Variants in RBM34 observed in about 807,000 individuals in gnomAD.
The protein encoded by RBM34 is RNA-binding protein 34.
In RBM34, 39 loss-of-function variants were observed where a neutral mutation model predicts 44.6. The observed-to-expected ratio is 0.87, with a 90% confidence interval of 0.68 to 1.14. The LOEUF (loss-of-function observed/expected upper bound fraction) is 1.14, where lower values mean the gene tolerates loss of function less well. Ranked by LOEUF, RBM34 falls within the 50% of genes most tolerant of loss-of-function variation. The pLI is 0.00. For synonymous variants in RBM34, 194 were observed against 184.0 expected, an observed-to-expected ratio of 1.05 and a Z score of -0.44; for missense variants, 572 against 517.9, an observed-to-expected ratio of 1.10 and a Z score of -1.01.
intron 3 of RBM34, chr1:235,160,206 C>G (rs899832357): frequency 6.1e-6 from 3 of 493,342 alleles, no homozygotes; most frequent in Non-Finnish European, 1.2e-5. Flanking sequence ...GAGCTGAGAT[C>G]ACTGCACTCT....
chr1:235,151,388 A>G (rs1372620219), intron 5 of RBM34, among the ~76,000 whole-genome samples: 2 of 152,210 alleles, frequency 1.3e-5, no homozygotes, highest in Admixed American at 1.3e-4. Flanking sequence ...GGTCTAATAC[A>G]GGGAAATGGA....
chr1:235,158,239 ACC>A (rs1662534839), intron 3 of RBM34, among the ~76,000 whole-genome samples: 1 of 151,966 alleles, frequency 6.6e-6, no homozygotes, highest in African/African-American at 2.4e-5. Context: ...ACATGGTGAA[ACC>A]CCATCTCTAC....
intron 5 of RBM34, among the ~76,000 whole-genome samples, chr1:235,149,450 T>C (rs1662066929): frequency 6.6e-6 from 1 of 152,010 alleles, no homozygotes; most frequent in Non-Finnish European, 1.5e-5. Flanking sequence ...AATTAACATT[T>C]TATCGTGTAT....
At chr1:235,142,283 CT>C (rs148095735) in intron 6 of RBM34, among the ~76,000 whole-genome samples, 1 of 151,896 alleles carries the variant, frequency 6.6e-6, no homozygotes, top group Non-Finnish European at 1.5e-5. Flanking sequence ...AGCAATAGCA[CT>C]TTTTTTATTT....
intron 6 of RBM34, among the ~76,000 whole-genome samples, chr1:235,142,859 C>T (rs1047857985): frequency 8.9e-5 from 12 of 135,074 alleles, no homozygotes; most frequent in East Asian, 4.7e-4. Flanking sequence ...ACCCGGGAGG[C>T]GGAGGTTGCA....
intron 3 of RBM34, chr1:235,160,259 A>C (rs1558151811): frequency 1.6e-6 from 1 of 613,032 alleles, no homozygotes. Flanking sequence ...CTCAAAACAA[A>C]CAAAAACAAA....
intron 3 of RBM34, chr1:235,156,498 T>C (rs2102863061): frequency 2.9e-6 from 1 of 344,524 alleles, no homozygotes; most frequent in South Asian, 2.4e-5. Context: ...AAGGTTAATA[T>C]GGCAGCAGAG....
chr1:235,131,639 G>A lies in RBM34; in HGVS notation c.*74C>T, dbSNP rs1389091953. 6.9e-7 allele frequency: 1 copy of A among 1,452,378 alleles called. No homozygotes were observed. The highest frequency in any genetic ancestry group is 9.3e-7 in the Non-Finnish European group (1 of 1,075,646). The allele number at this position is 1,452,378 out of a possible 1,614,324, so 90.0% of individuals were successfully genotyped here. On this transcript the variant is annotated 3_prime_UTR_variant, in exon 11 of 11. Coordinates refer to ENST00000408888, the MANE Select transcript of RBM34 (RefSeq NM_015014.4). ...TATAAAACTCAACACATGAATAGCA[G>A]ACGATGCTATCAGCAGATAATAGCA...
At chr1:235,151,736 T>C (rs772716082) in intron 5 of RBM34, among the ~76,000 whole-genome samples, 2 of 151,956 alleles carry the variant, frequency 1.3e-5, no homozygotes, top group Non-Finnish European at 2.9e-5. Context: ...AAAGAGCAAT[T>C]AGAAACATGA....
At chr1:235,153,593 T>G (rs1462429149) in intron 4 of RBM34, among the ~76,000 whole-genome samples, 1 of 152,062 alleles carries the variant, frequency 6.6e-6, no homozygotes, top group Non-Finnish European at 1.5e-5. Flanking sequence ...CCCAGCTAAT[T>G]TTTGGGACTT....
Position 235,154,948 on chromosome 1 carries a change from T to G in RBM34, c.530A>C (p.Glu177Ala), listed in dbSNP as rs1239969577. The part of the protein sequence containing the change: ...SQRKKIQINQ[E>A]EERLKNERTV... ...TCTCTCATTCTTTAATCTCTCTTCT[T>G]CTTGGTTGATTTGAATTTTCTTTCT... The change falls in exon 4 of 11, where the codon GAA becomes GCA. Residue 177 changes from glutamate to alanine, a missense_variant. Transcript: ENST00000408888. 2.5e-6 allele frequency: 4 copies of G among 1,613,998 alleles called. No homozygotes were observed. Among genetic ancestry groups the G allele is most frequent in the Admixed American group, 1.7e-5 (1 of 60,004 alleles).
At position 235,155,098 on chromosome 1, in the gene RBM34, G is replaced by A. The variant is rs375256617; in HGVS notation, c.380C>T (p.Ala127Val). Residue 127 changes from alanine to valine, a missense_variant, in exon 4 of 11, where the codon GCG (alanine) becomes GTG (valine). Coordinates refer to ENST00000408888, the MANE Select transcript of RBM34 (RefSeq NM_015014.4). Reference protein sequence around the residue: ...KKLADRESALASADLEEEIHQ... With the variant: ...KKLADRESALVSADLEEEIHQ... ...AATTTCTTCTTCTAAATCAGCACTCGCTAGAGCGCTTTCCCTTTTTAAGGC... is the reference window on the plus strand; with the variant it reads ...AATTTCTTCTTCTAAATCAGCACTCACTAGAGCGCTTTCCCTTTTTAAGGC... 94 of 1,611,228 alleles carry A rather than the reference G, an allele frequency of 5.8e-5. No individual in the cohort carries two copies. The African/African-American group carries it at 6.7e-4, about 11-fold the overall frequency.
chr1:235,137,260 AC>A (rs2102828378), intron 8 of RBM34, among the ~76,000 whole-genome samples: 1 of 152,352 alleles, frequency 6.6e-6, no homozygotes, highest in African/African-American at 2.4e-5. Flanking sequence ...CAGAGTGTGT[AC>A]TAAAAACTGT....
chr1:235,148,922 G>A (rs187454344), intron 5 of RBM34, among the ~76,000 whole-genome samples: 43 of 151,854 alleles, frequency 2.8e-4, no homozygotes, highest in Admixed American at 9.2e-4. Context: ...TATATGAAAC[G>A]AAGCTCGTGG....
At chr1:235,140,763 T>C (rs540271191) in intron 6 of RBM34, among the ~76,000 whole-genome samples, 1 of 152,360 alleles carries the variant, frequency 6.6e-6, no homozygotes, top group Non-Finnish European at 1.5e-5. Flanking sequence ...CTCCCGAGTC[T>C]GGTGGGGATG....
At chr1:235,157,197 TAGAA>T (rs1662486193) in intron 3 of RBM34, among the ~76,000 whole-genome samples, 1 of 151,980 alleles carries the variant, frequency 6.6e-6, no homozygotes, top group African/African-American at 2.4e-5. Flanking sequence ...GGAAGATAAT[TAGAA>T]AGAGGATAAG....
intron 6 of RBM34, among the ~76,000 whole-genome samples, chr1:235,141,687 A>G (rs982291170): frequency 3.3e-5 from 5 of 152,100 alleles, no homozygotes; most frequent in Admixed American, 1.3e-4. Context: ...ACTCACCGCA[A>G]AGATCTGCAG....
At chr1:235,141,339 C>T (rs1014800177) in intron 6 of RBM34, among the ~76,000 whole-genome samples, 2 of 152,150 alleles carry the variant, frequency 1.3e-5, no homozygotes, top group Admixed American at 6.6e-5. Flanking sequence ...GTGCACCAAT[C>T]GATACTCTGT....
At chr1:235,153,717 C>T (rs1467896719) in intron 4 of RBM34, among the ~76,000 whole-genome samples, 2 of 152,128 alleles carry the variant, frequency 1.3e-5, no homozygotes, top group African/African-American at 2.4e-5. Flanking sequence ...TGGGCCACCA[C>T]GCCTGGCCTC....
Sources: gnomAD v4.1 joint callset for allele counts (sites outside exome capture counted in the v4.1 genomes callset) on GRCh38, gnomAD v4.1.1 for gene constraint, MANE v1.5 for transcripts, NCBI Gene and HGNC (gene_info 2026-07-23, HGNC 2026-07-21) for gene names.